The following EHBP1 variants were observed in gnomAD, a reference collection of about 807,000 sequenced individuals.
The protein encoded by EHBP1 is EH domain-binding protein 1.
Under a neutral mutation model 144.0 loss-of-function variants are expected in EHBP1, and 55 were observed. That is an observed-to-expected ratio of 0.38 (90% CI 0.31 to 0.48). The LOEUF (loss-of-function observed/expected upper bound fraction) is 0.48. Ranked by LOEUF, EHBP1 falls within the 20% of genes least tolerant of loss-of-function variation. The probability of loss-of-function intolerance (pLI) is 0.98; values close to 1 mark genes in which losing one functional copy is unlikely to be tolerated. For missense variants in EHBP1, 1,200 were observed against 1,364.2 expected, an observed-to-expected ratio of 0.88 and a Z score of 1.90; for synonymous variants, 469 against 472.7, an observed-to-expected ratio of 0.99 and a Z score of 0.10.
At chr2:62,814,241 T>C (rs1421748310) in intron 5 of EHBP1, among the ~76,000 whole-genome samples, 1 of 152,230 alleles carries the variant, frequency 6.6e-6, no homozygotes, top group Non-Finnish European at 1.5e-5. Flanking sequence ...ATGTTCTTTA[T>C]TGGGAGAGTG....
chr2:62,800,724 C>T (rs1290329280), intron 5 of EHBP1, among the ~76,000 whole-genome samples: 2 of 152,182 alleles, frequency 1.3e-5, no homozygotes, highest in African/African-American at 4.8e-5. Context: ...TGACCATATC[C>T]TGCCACATAT....
chr2:62,804,405 A>G (rs1020204628), intron 5 of EHBP1, among the ~76,000 whole-genome samples: 1 of 152,204 alleles, frequency 6.6e-6, no homozygotes, highest in Non-Finnish European at 1.5e-5. Context: ...TTTGGGAAAA[A>G]ATTACCTCCT....
At chr2:63,041,705 G>A (rs1284355872) in intron 21 of EHBP1, among the ~76,000 whole-genome samples, 1 of 152,076 alleles carries the variant, frequency 6.6e-6, no homozygotes, top group African/African-American at 2.4e-5. Flanking sequence ...CTATCAAATG[G>A]CCTGTTCTGA....
chr2:62,741,864 G>T (rs2038741479), intron 2 of EHBP1, among the ~76,000 whole-genome samples: 1 of 152,146 alleles, frequency 6.6e-6, no homozygotes, highest in Non-Finnish European at 1.5e-5. Context: ...TTACATTGTT[G>T]TATTAGGTAT....
At chr2:62,890,513 G>A (rs2052369377) in intron 10 of EHBP1, among the ~76,000 whole-genome samples, 1 of 152,136 alleles carries the variant, frequency 6.6e-6, no homozygotes, top group Non-Finnish European at 1.5e-5. Context: ...GTGAATGGGA[G>A]TTGGTTCTTG....
At chr2:62,714,298 T>C (rs2035452283) in intron 2 of EHBP1, among the ~76,000 whole-genome samples, 1 of 152,178 alleles carries the variant, frequency 6.6e-6, no homozygotes, top group South Asian at 2.1e-4. Context: ...AGCTAGTGTT[T>C]AGGGAATACA....
intron 3 of EHBP1, among the ~76,000 whole-genome samples, chr2:62,759,098 A>G (rs2040548511): frequency 6.6e-6 from 1 of 152,170 alleles, no homozygotes; most frequent in South Asian, 2.1e-4. Context: ...GAGTCACCCA[A>G]AATTGAGAAG....
chr2:62,751,822 G>A (rs916604255), intron 3 of EHBP1, among the ~76,000 whole-genome samples: 3 of 152,080 alleles, frequency 2.0e-5, no homozygotes, highest in Admixed American at 2.0e-4. Context: ...TATGGGATCG[G>A]TGGTGATATC....
At chr2:63,022,564 C>T (rs2060801014) in intron 19 of EHBP1, among the ~76,000 whole-genome samples, 1 of 152,040 alleles carries the variant, frequency 6.6e-6, no homozygotes, top group South Asian at 2.1e-4. Context: ...ATCCGCCTGC[C>T]TCCGCCTCCC....
At chr2:62,815,466 G>A (rs1156739333) in intron 5 of EHBP1, among the ~76,000 whole-genome samples, 1 of 152,156 alleles carries the variant, frequency 6.6e-6, no homozygotes, top group Non-Finnish European at 1.5e-5. Flanking sequence ...AATATGCTGT[G>A]TGACAAAATG....
chr2:62,706,888 G>C lies in EHBP1; in HGVS notation c.-295-9G>C. 3.7e-6 allele frequency: 1 copy of C among 268,394 alleles called. No individual in the cohort carries two copies. The allele number at this position is 268,394 out of a possible 1,614,324, so 16.6% of individuals were successfully genotyped here. A position where few individuals can be genotyped will look rare whatever the true frequency, so the allele number is the denominator to read the frequency against. On this transcript the variant is annotated splice_polypyrimidine_tract_variant and intron_variant, in intron 1 of 22. Transcript: ENST00000431489. ...TTCTTTCTCTTTTTGTCTTTGTTTTGCTTTTCAGCCCTCCAGAATACCCAT... is the reference window on the plus strand; with the variant it reads ...TTCTTTCTCTTTTTGTCTTTGTTTTCCTTTTCAGCCCTCCAGAATACCCAT...
intron 10 of EHBP1, among the ~76,000 whole-genome samples, chr2:62,940,730 A>G (rs2056705870): frequency 1.3e-5 from 2 of 151,960 alleles, no homozygotes; most frequent in African/African-American, 4.8e-5. Flanking sequence ...TAATTTCATC[A>G]AAGTTTCTTC....
intron 5 of EHBP1, among the ~76,000 whole-genome samples, chr2:62,795,175 T>TA (rs1465840208): frequency 6.6e-6 from 1 of 152,058 alleles, no homozygotes. Context: ...AAAAAATCAA[T>TA]ACAGGCACAT....
At chr2:62,967,322 C>T (rs976193962) in intron 14 of EHBP1, among the ~76,000 whole-genome samples, 1 of 152,100 alleles carries the variant, frequency 6.6e-6, no homozygotes, top group African/African-American at 2.4e-5. Flanking sequence ...CACATACGCA[C>T]GACTTAGTGA....
rs552114261 is a variant in EHBP1, at chr2:62,760,078, A to G, written c.163-4188A>G. On this transcript the variant is annotated intron_variant, in intron 3 of 22. Transcript: ENST00000431489. The stretch of plus-strand genomic sequence containing the variant: ...GAAGATGGCCCTGTGGAACTTGCAT[A>G]TGTGAAAAGTCAGCCCTCCACATAT... 2.6e-5 allele frequency among the ~76,000 whole-genome samples: 4 copies of G among 152,192 alleles called. No individual in the cohort carries two copies. The East Asian group carries it at 7.7e-4, about 29-fold the overall frequency.
rs1434072683 is a variant in EHBP1, at chr2:62,954,598, TA to T, written c.2317-915del. ...AAAAGGCTTTAAAAAATAGTTGTAG[TA>T]AAATATAAAGACCACAAAGAAGCCC... is the stretch of plus-strand genomic sequence containing the variant. On this transcript the variant is annotated intron_variant, in intron 13 of 22. Transcript: ENST00000431489. 3.9e-5 allele frequency among the ~76,000 whole-genome samples: 6 copies of T among 152,072 alleles called. No homozygotes were observed. The East Asian group carries it at 1.2e-3, about 29-fold the overall frequency.
intron 5 of EHBP1, among the ~76,000 whole-genome samples, chr2:62,786,781 C>G (rs1023820402): frequency 2.0e-5 from 3 of 152,182 alleles, no homozygotes; most frequent in Admixed American, 6.5e-5. Flanking sequence ...TTAGGTTTCA[C>G]TGGTACAGGA....
chr2:62,896,266 T>C (rs945757111), intron 10 of EHBP1, among the ~76,000 whole-genome samples: 2 of 152,122 alleles, frequency 1.3e-5, no homozygotes, highest in African/African-American at 4.8e-5. Context: ...CTTGTCGTGT[T>C]TAAAGAATCG....
chr2:62,992,107 TA>T (rs2059437717), intron 16 of EHBP1, among the ~76,000 whole-genome samples: 1 of 152,176 alleles, frequency 6.6e-6, no homozygotes, highest in Admixed American at 6.5e-5. Context: ...TCCCTAGTCA[TA>T]AAAAGGTTTC....
Sources: allele counts gnomAD v4.1 joint callset (sites outside exome capture counted in the v4.1 genomes callset), GRCh38; gene constraint gnomAD v4.1.1; transcripts MANE v1.5; gene names NCBI Gene and HGNC (gene_info 2026-07-23, HGNC 2026-07-21).